The following ANKRD42 variants were observed in gnomAD, a reference collection of about 807,000 sequenced individuals.
The protein encoded by ANKRD42 is ankyrin repeat domain 42.
A neutral mutation model predicts 51.5 loss-of-function variants in ANKRD42; 43 were observed. The ratio of observed to expected loss-of-function variants is 0.83; its 90% CI spans 0.65 to 1.08. ANKRD42 has a LOEUF of 1.08. Ranked by LOEUF, ANKRD42 falls within the 50% of genes least tolerant of loss-of-function variation. The pLI, the probability that ANKRD42 is intolerant of heterozygous loss-of-function variation, is 0.00. For missense variants in ANKRD42, 608 were observed against 629.3 expected (o/e 0.97, Z 0.36); for synonymous variants, 203 against 213.0 (o/e 0.95, Z 0.41).
rs567250786 is a variant in ANKRD42, at chr11:83,232,917, G to T, written c.914-3487G>T. 3.3e-5 allele frequency among the ~76,000 whole-genome samples: 5 copies of T among 152,174 alleles called. No homozygotes were observed. In the South Asian group the frequency reaches 1.0e-3, roughly 32 times the overall value. ...GCATATGTTGAATCATCGGTGTATC[G>T]CAGAGGTAAATCCCACTTGGTTATG... On this transcript the variant is annotated intron_variant, in intron 7 of 10. Coordinates refer to ENST00000533342, the MANE Select transcript of ANKRD42 (RefSeq NM_001300975.2).
chr11:83,254,817 TTTG>T (rs1863738454), intron 11 of ANKRD42, among the ~76,000 whole-genome samples: 1 of 152,144 alleles, frequency 6.6e-6, no homozygotes, highest in Non-Finnish European at 1.5e-5. Flanking sequence ...CAATCAAAGG[TTTG>T]TTATTTTTCT....
intron 5 of ANKRD42, chr11:83,213,546 A>T: frequency 8.0e-7 from 1 of 1,256,676 alleles, no homozygotes; most frequent in Non-Finnish European, 1.0e-6. Flanking sequence ...CACATATGGT[A>T]TTATTAGTTT....
intron 1 of ANKRD42, among the ~76,000 whole-genome samples, chr11:83,196,134 G>A (rs571275112): frequency 3.3e-5 from 5 of 151,994 alleles, no homozygotes; most frequent in African/African-American, 4.8e-5. Flanking sequence ...GAGCCACCGC[G>A]CCCGGCCAAT....
intron 5 of ANKRD42, among the ~76,000 whole-genome samples, chr11:83,224,575 T>A (rs530259534): frequency 6.6e-6 from 1 of 152,220 alleles, no homozygotes; most frequent in East Asian, 1.9e-4. Flanking sequence ...CTATAAGGAA[T>A]AGAGCTAATG....
At chr11:83,253,031 G>A (rs558699209), downstream of ANKRD42, among the ~76,000 whole-genome samples, 9 of 152,190 alleles carry the variant, frequency 5.9e-5, no homozygotes, top group African/African-American at 1.7e-4. Flanking sequence ...GTGACTGACC[G>A]GGAACCGGTA....
At chr11:83,195,238 C>G (rs1861596062) in intron 1 of ANKRD42, among the ~76,000 whole-genome samples, 1 of 152,204 alleles carries the variant, frequency 6.6e-6, no homozygotes, top group Non-Finnish European at 1.5e-5. Flanking sequence ...GTTACTCATT[C>G]AACCATCCAG....
At chr11:83,203,409 T>C (rs1861946943) in intron 2 of ANKRD42, among the ~76,000 whole-genome samples, 1 of 150,680 alleles carries the variant, frequency 6.6e-6, no homozygotes, top group African/African-American at 2.4e-5. Context: ...TTTTTTTTTT[T>C]TTGAGAGGGA....
At chr11:83,206,820 G>C (rs371561250) in intron 3 of ANKRD42, among the ~76,000 whole-genome samples, 1 of 152,106 alleles carries the variant, frequency 6.6e-6, no homozygotes, top group Non-Finnish European at 1.5e-5. Context: ...CTAAAATTTC[G>C]TATTTAATGT....
Position 83,236,481 on chromosome 11 carries a change from G to A in ANKRD42, c.991G>A (p.Gly331Arg), listed in dbSNP as rs762778625. The A allele has an allele frequency of 1.2e-6, 2 of 1,611,476 alleles. No homozygotes were observed. Among genetic ancestry groups the A allele is most frequent in the South Asian group, 1.1e-5 (1 of 90,056 alleles). The change falls in exon 8 of 11, where the codon GGG (glycine) becomes AGG (arginine). Residue 331 changes from glycine to arginine, a missense_variant. Physicochemically the swap from Gly to Arg is moderately radical, Grantham distance 125. Transcript: ENST00000533342. ...GADSNITNKAGERPSDVAKRF... is the reference protein window; with the variant it reads ...GADSNITNKARERPSDVAKRF... ...AGACAGTAATATTACCAACAAAGCAGGGGAGAGACCCAGTGATGTGGCAAA... is the reference window on the plus strand; with the variant it reads ...AGACAGTAATATTACCAACAAAGCAAGGGAGAGACCCAGTGATGTGGCAAA...
Position 83,248,041 on chromosome 11 carries a change from T to C in ANKRD42, c.1421T>C (p.Leu474Pro), listed in dbSNP as rs1300828121. ...LDEYRAEVDQ[L>P]RETLEKIQVP... ...GAATATCGAGCAGAAGTTGATCAAC[T>C]CAGGGAAACACTGGAAAAAATTCAA... The change falls in exon 11 of 11, where the codon CTC (leucine) becomes CCC (proline). Residue 474 changes from leucine to proline, a missense_variant. Transcript: ENST00000533342. 6.2e-7 allele frequency: 1 copy of C among 1,605,720 alleles called. No individual in the cohort carries two copies. Among genetic ancestry groups the C allele is most frequent in the Non-Finnish European group, 8.5e-7 (1 of 1,175,652 alleles).
intron 5 of ANKRD42, among the ~76,000 whole-genome samples, chr11:83,218,126 C>T (rs935655357): frequency 2.0e-5 from 3 of 152,194 alleles, no homozygotes; most frequent in South Asian, 2.1e-4. Flanking sequence ...CTTAGGGCCT[C>T]CCTTAGCTTT....
chr11:83,212,812 A>C lies in ANKRD42; in HGVS notation c.586+1382A>C, dbSNP rs1387136228. On this transcript the variant is annotated intron_variant, in intron 5 of 10. Transcript: ENST00000533342. ...TTCTGAAGGTCGTCTTTCAGTGTTC[A>C]TTTAGTGAAGTCTTTTGGTATGAAC... 1.1e-5 allele frequency: 16 copies of C among 1,471,618 alleles called. No individual in the cohort carries two copies. The South Asian group carries it at 1.9e-4, about 17-fold the overall frequency. The allele number at this position is 1,471,618 out of a possible 1,614,324, so 91.2% of individuals were successfully genotyped here. A position where few individuals can be genotyped will look rare whatever the true frequency, so the allele number is the denominator to read the frequency against.
chr11:83,211,152 G>A (rs1456036323), intron 4 of ANKRD42, 143 bp from the exon 5 acceptor site: 5 of 983,296 alleles, frequency 5.1e-6, no homozygotes, highest in Non-Finnish European at 7.8e-6. Flanking sequence ...CAAATTAGTG[G>A]TTGCAGTACA....
chr11:83,227,756 T>C lies in ANKRD42; in HGVS notation c.797T>C (p.Phe266Ser). ...ATTTTTTTATTCATAGCTTTAGCAT[T>C]TCCAGGTCATGTGGCTGCCTTTAAG... ...KDLEDQETLA[F>S]PGHVAAFKGD... The change falls in exon 7 of 11, where the codon TTT becomes TCT. Residue 266 changes from phenylalanine (F) to serine (S), a missense_variant. Physicochemically the swap from Phe to Ser is radical, Grantham distance 155. Transcript: ENST00000533342. 6.2e-7 allele frequency: 1 copy of C among 1,609,316 alleles called. No homozygotes were observed. Among genetic ancestry groups the C allele is most frequent in the South Asian group, 1.1e-5 (1 of 89,856 alleles).
intron 9 of ANKRD42, among the ~76,000 whole-genome samples, chr11:83,245,138 A>T (rs1449750373): frequency 6.6e-6 from 1 of 152,160 alleles, no homozygotes; most frequent in East Asian, 1.9e-4. Flanking sequence ...TCCTGACCTC[A>T]GGTGATCCAC....
intron 9 of ANKRD42, among the ~76,000 whole-genome samples, chr11:83,244,917 T>A (rs999338859): frequency 2.6e-5 from 4 of 152,286 alleles, no homozygotes; most frequent in Non-Finnish European, 5.9e-5. Context: ...TAGTCTTTTT[T>A]TTTTTGAGAC....
chr11:83,220,371 C>G (rs533483615), intron 5 of ANKRD42, among the ~76,000 whole-genome samples: 13 of 152,200 alleles, frequency 8.5e-5, no homozygotes, highest in African/African-American at 3.1e-4. Flanking sequence ...AAGGACAGGA[C>G]AGAATAGCAA....
At position 83,248,451 on chromosome 11, in the gene ANKRD42, T is replaced by A; in HGVS notation, c.*247T>A. The A allele has an allele frequency of 8.6e-7, 1 of 1,165,274 alleles. No homozygotes were observed. 72.2% of individuals were successfully genotyped at this position (1,165,274 alleles called of 1,614,324 possible). ...CATTGTACCATAGAAGGAGAAAATG[T>A]TTTCATAAGTAATCAATCAGAATTC... On this transcript the variant is annotated 3_prime_UTR_variant, in exon 11 of 11. Transcript: ENST00000533342.
intron 11 of ANKRD42, chr11:83,255,813 T>G (rs1445151589): frequency 1.3e-6 from 2 of 1,487,600 alleles, no homozygotes; most frequent in African/African-American, 2.8e-5. Flanking sequence ...AGCATGAAAA[T>G]TGTATTTGAC....
Sources: allele counts gnomAD v4.1 joint callset (sites outside exome capture counted in the v4.1 genomes callset), GRCh38; gene constraint gnomAD v4.1.1; transcripts MANE v1.5; gene names NCBI Gene and HGNC (gene_info 2026-07-23, HGNC 2026-07-21).